Variants in GRM8 observed in about 807,000 individuals in gnomAD.
The protein encoded by GRM8 is glutamate metabotropic receptor 8, also known as metabotropic glutamate receptor 8.
In GRM8, 47 loss-of-function variants were observed where a neutral mutation model predicts 87.2. That is an observed-to-expected ratio of 0.54 (90% CI 0.43 to 0.69). The LOEUF (loss-of-function observed/expected upper bound fraction) is 0.69, where lower values mean the gene tolerates loss of function less well. GRM8 is among the 30% of genes least tolerant of loss of function. The probability of loss-of-function intolerance (pLI) is 0.00; values close to 1 mark genes in which losing one functional copy is unlikely to be tolerated. For synonymous variants in GRM8, 396 were observed against 404.5 expected, an observed-to-expected ratio of 0.98 and a Z score of 0.25; for missense variants, 1,019 against 1,139.2, an observed-to-expected ratio of 0.89 and a Z score of 1.52.
At chr7:126,637,661 T>C (rs975560533) in intron 7 of GRM8, among the ~76,000 whole-genome samples, 3 of 152,180 alleles carry the variant, frequency 2.0e-5, no homozygotes, top group Non-Finnish European at 4.4e-5. Context: ...AAAAGAAGCA[T>C]TAGCCTGTTG....
At chr7:126,673,322 G>A (rs1015357137) in intron 7 of GRM8, among the ~76,000 whole-genome samples, 43 of 152,258 alleles carry the variant, frequency 2.8e-4, no homozygotes, top group African/African-American at 1.0e-3. Context: ...TTGAACTAAG[G>A]GTAAGTCCTA....
intron 7 of GRM8, among the ~76,000 whole-genome samples, chr7:126,721,976 T>A (rs1432774781): frequency 6.6e-6 from 1 of 152,038 alleles, no homozygotes; most frequent in African/African-American, 2.4e-5. Flanking sequence ...GTTGTACCAA[T>A]GAACACTTAA....
intron 7 of GRM8, among the ~76,000 whole-genome samples, chr7:126,659,647 C>T (rs1285011947): frequency 6.6e-6 from 1 of 152,162 alleles, no homozygotes; most frequent in African/African-American, 2.4e-5. Context: ...TTTCTTTTTA[C>T]TTGGCAATAC....
At position 126,541,543 on chromosome 7, in the gene GRM8, G is replaced by A. The variant is rs563251297; in HGVS notation, c.1495-7656C>T. 5.3e-5 allele frequency among the ~76,000 whole-genome samples: 8 copies of A among 152,260 alleles called. No homozygotes were observed. The South Asian group carries it at 6.2e-4, about 12-fold the overall frequency. On this transcript the variant is annotated intron_variant, in intron 8 of 10. Transcript: ENST00000339582. ...AGCCAGGATAAAGATGATGAGTCAC[G>A]TTTTAGAATCTCTGGACTGTAGCGT...
intron 2 of GRM8, among the ~76,000 whole-genome samples, chr7:127,158,211 G>A (rs558724073): frequency 6.6e-6 from 1 of 152,266 alleles, no homozygotes; most frequent in Admixed American, 6.5e-5. Context: ...CCCACCTCAA[G>A]AGAGTACACC....
At position 126,716,759 on chromosome 7, in the gene GRM8, G is replaced by C. The variant is rs530668847; in HGVS notation, c.1357+53106C>G. Among the ~76,000 whole-genome samples the C allele has an allele frequency of 2.6e-5, 4 of 152,254 alleles. No homozygotes were observed. The South Asian group carries it at 8.3e-4, about 32-fold the overall frequency. ...TCATGTATGATTTTTTACAATGTTTGTAGGTAGAAAATAAATTATCGGTGA... is the reference window on the plus strand; with the variant it reads ...TCATGTATGATTTTTTACAATGTTTCTAGGTAGAAAATAAATTATCGGTGA... On this transcript the variant is annotated intron_variant, in intron 7 of 10. Transcript: ENST00000339582.
intron 7 of GRM8, among the ~76,000 whole-genome samples, chr7:126,688,265 G>C (rs1212458919): frequency 2.0e-5 from 3 of 152,160 alleles, no homozygotes; most frequent in African/African-American, 7.2e-5. Flanking sequence ...TGTCATAGAT[G>C]GGTAAAGTGA....
intron 7 of GRM8, among the ~76,000 whole-genome samples, chr7:126,748,858 C>T (rs1437930444): frequency 6.6e-6 from 1 of 151,968 alleles, no homozygotes; most frequent in African/African-American, 2.4e-5. Flanking sequence ...AACTGATTTA[C>T]AACAAAAGTA....
chr7:127,169,461 A>G (rs779041972), intron 2 of GRM8, among the ~76,000 whole-genome samples: 1 of 152,224 alleles, frequency 6.6e-6, no homozygotes, highest in Non-Finnish European at 1.5e-5. Context: ...TCTCCAAAAC[A>G]TAAAAGTGCA....
At chr7:126,522,920 T>C (rs966807690) in intron 9 of GRM8, among the ~76,000 whole-genome samples, 15 of 152,312 alleles carry the variant, frequency 9.8e-5, no homozygotes, top group African/African-American at 3.6e-4. Context: ...GATGACTTCT[T>C]ATTCATTTTT....
intron 8 of GRM8, among the ~76,000 whole-genome samples, chr7:126,548,354 A>AT (rs2150919849): frequency 6.6e-6 from 1 of 152,292 alleles, no homozygotes; most frequent in East Asian, 1.9e-4. Flanking sequence ...AACTATCCAA[A>AT]TATCCTCTGG....
intron 6 of GRM8, among the ~76,000 whole-genome samples, chr7:126,788,663 C>G (rs546971886): frequency 6.6e-6 from 1 of 151,808 alleles, no homozygotes; most frequent in South Asian, 2.1e-4. Context: ...TGGACTCTAT[C>G]ATAACTTTAT....
chr7:126,447,947 C>T (rs1007028388), intron 9 of GRM8, among the ~76,000 whole-genome samples: 3 of 151,944 alleles, frequency 2.0e-5, no homozygotes, highest in African/African-American at 4.8e-5. Flanking sequence ...TTAAGACCAT[C>T]CCAATGAAAT....
At chr7:126,615,995 G>C in intron 7 of GRM8, among the ~76,000 whole-genome samples, 1 of 152,074 alleles carries the variant, frequency 6.6e-6, no homozygotes, top group Non-Finnish European at 1.5e-5. Flanking sequence ...GGATATCCAG[G>C]AATTGAACTC....
At chr7:127,003,878 A>G (rs1673424923) in intron 3 of GRM8, among the ~76,000 whole-genome samples, 2 of 151,832 alleles carry the variant, frequency 1.3e-5, no homozygotes, top group South Asian at 2.1e-4. Flanking sequence ...TAAGGGTTTT[A>G]CCAACACCTT....
chr7:126,938,792 C>T (rs1806598121), intron 3 of GRM8, among the ~76,000 whole-genome samples: 1 of 152,162 alleles, frequency 6.6e-6, no homozygotes. Flanking sequence ...TAAATGGTTA[C>T]ATGTGCAAAT....
intron 6 of GRM8, among the ~76,000 whole-genome samples, chr7:126,860,160 G>T (rs1219277014): frequency 1.3e-5 from 2 of 152,138 alleles, no homozygotes; most frequent in African/African-American, 4.8e-5. Flanking sequence ...TTCCTATCCA[G>T]ATTATAAATT....
chr7:126,738,892 C>T (rs1030925824), intron 7 of GRM8, among the ~76,000 whole-genome samples: 1 of 151,896 alleles, frequency 6.6e-6, no homozygotes, highest in African/African-American at 2.4e-5. Context: ...GAGAGATCCA[C>T]AGATGTTGAT....
At chr7:126,635,367 T>C (rs1430106840) in intron 7 of GRM8, among the ~76,000 whole-genome samples, 2 of 152,144 alleles carry the variant, frequency 1.3e-5, no homozygotes, top group East Asian at 3.9e-4. Flanking sequence ...TCCCACTATA[T>C]TTGGCTAATT....
Sources: gnomAD v4.1 joint callset for allele counts (sites outside exome capture counted in the v4.1 genomes callset) on GRCh38, gnomAD v4.1.1 for gene constraint, MANE v1.5 for transcripts, NCBI Gene and HGNC (gene_info 2026-07-23, HGNC 2026-07-21) for gene names.